Variants in PRKAG2 observed in about 807,000 individuals in gnomAD.
The protein encoded by PRKAG2 is 5'-AMP-activated protein kinase subunit gamma-2.
A neutral mutation model predicts 69.6 loss-of-function variants in PRKAG2; 26 were observed. That is an observed-to-expected ratio of 0.37 (90% CI 0.27 to 0.52). PRKAG2 has a LOEUF of 0.52. Ranked by LOEUF, PRKAG2 falls within the 20% of genes least tolerant of loss-of-function variation. The pLI is 0.90. For missense variants in PRKAG2, 557 were observed against 740.0 expected (o/e 0.75, Z 2.87); for synonymous variants, 293 against 285.0 (o/e 1.03, Z -0.28).
intron 1 of PRKAG2, among the ~76,000 whole-genome samples, chr7:151,800,986 C>T (rs1156757902): frequency 6.6e-6 from 1 of 152,180 alleles, no homozygotes; most frequent in Non-Finnish European, 1.5e-5. Context: ...GCTTCAGGTT[C>T]TGTAAACCTA....
chr7:151,743,274 C>T (rs1489155249), intron 3 of PRKAG2, among the ~76,000 whole-genome samples: 2 of 152,198 alleles, frequency 1.3e-5, no homozygotes, highest in African/African-American at 2.4e-5. Flanking sequence ...ACTCACACCC[C>T]TGGCTGGTGC....
At chr7:151,640,339 A>G (rs1422324838) in intron 4 of PRKAG2, among the ~76,000 whole-genome samples, 1 of 152,122 alleles carries the variant, frequency 6.6e-6, no homozygotes, top group African/African-American at 2.4e-5. Flanking sequence ...CAGACTTATT[A>G]TTCACTAACT....
chr7:151,669,530 T>C (rs1831514548), intron 4 of PRKAG2, among the ~76,000 whole-genome samples: 1 of 152,238 alleles, frequency 6.6e-6, no homozygotes, highest in African/African-American at 2.4e-5. Flanking sequence ...GTCCCTTAGA[T>C]GTCCACGTGT....
At chr7:151,585,129 A>G (rs181203836) in intron 6 of PRKAG2, among the ~76,000 whole-genome samples, 103 of 152,266 alleles carry the variant, frequency 6.8e-4, no homozygotes, top group Non-Finnish European at 1.3e-3. Flanking sequence ...AAAAGCATCA[A>G]ATTTCTCTCG....
At chr7:151,657,209 A>G (rs1254693039) in intron 4 of PRKAG2, among the ~76,000 whole-genome samples, 1 of 152,224 alleles carries the variant, frequency 6.6e-6, no homozygotes, top group African/African-American at 2.4e-5. Flanking sequence ...GAATATTCTC[A>G]AAGTCAAATT....
chr7:151,855,510 ACCGCCCT>A (rs2079743079), intron 1 of PRKAG2, among the ~76,000 whole-genome samples: 1 of 33,142 alleles, frequency 3.0e-5, no homozygotes, highest in African/African-American at 1.2e-4. Flanking sequence ...CTCCACACAC[ACCGCCCT>A]CCACACACCG....
intron 6 of PRKAG2, among the ~76,000 whole-genome samples, chr7:151,588,365 ATTTTT>A (rs562565665): frequency 3.4e-4 from 50 of 145,012 alleles, no homozygotes; most frequent in African/African-American, 9.1e-4. Flanking sequence ...ACAAGATCTG[ATTTTT>A]TTTTTTTTTA....
intron 3 of PRKAG2, among the ~76,000 whole-genome samples, chr7:151,778,454 G>T (rs960995380): frequency 2.0e-5 from 3 of 152,116 alleles, no homozygotes; most frequent in African/African-American, 7.2e-5. Flanking sequence ...CTTTATAAAT[G>T]ACCCAGCCTC....
intron 1 of PRKAG2, among the ~76,000 whole-genome samples, chr7:151,832,260 G>A (rs1042572335): frequency 8.0e-6 from 1 of 124,752 alleles, no homozygotes; most frequent in African/African-American, 3.8e-5. Context: ...AGGGAGGAGG[G>A]AAGGAAGGGA....
rs1341957255 is a variant in PRKAG2, at chr7:151,756,885, T to G, written c.466+24267A>C. 6.6e-6 allele frequency among the ~76,000 whole-genome samples: 1 copy of G among 152,162 alleles called. No homozygotes were observed. The highest frequency in any genetic ancestry group is 6.5e-5 in the Admixed American group (1 of 15,282). On this transcript the variant is annotated intron_variant, in intron 3 of 15. Coordinates refer to ENST00000287878, the MANE Select transcript of PRKAG2 (RefSeq NM_016203.4). This position sits in a 1 kb window ranked among gnomAD's most constrained non-coding sequence, Gnocchi z 4.9. ...GTACGGAGAGTAACCCTCTTCCAGG[T>G]AGGACCCGGGCTGACAGCTGAGCTA...
chr7:151,769,713 T>C (rs1220636254), intron 3 of PRKAG2, among the ~76,000 whole-genome samples: 1 of 152,118 alleles, frequency 6.6e-6, no homozygotes, highest in Non-Finnish European at 1.5e-5. Context: ...CTGTGGGCCA[T>C]GAAGGCACGG....
At chr7:151,578,955 T>C (rs1809688501) in intron 6 of PRKAG2, among the ~76,000 whole-genome samples, 1 of 152,228 alleles carries the variant, frequency 6.6e-6, no homozygotes, top group Non-Finnish European at 1.5e-5. Context: ...AGTTTGCTTT[T>C]CTAAACTGGT....
intron 4 of PRKAG2, among the ~76,000 whole-genome samples, chr7:151,661,726 G>A (rs1359831739): frequency 1.3e-5 from 2 of 152,150 alleles, no homozygotes; most frequent in Non-Finnish European, 2.9e-5. Context: ...ACTCAAGCAC[G>A]GTGAGAGAGG....
intron 1 of PRKAG2, among the ~76,000 whole-genome samples, chr7:151,865,440 T>C (rs1171864034): frequency 6.6e-6 from 1 of 152,208 alleles, no homozygotes; most frequent in Non-Finnish European, 1.5e-5. Flanking sequence ...ATGTTTTTGG[T>C]GTTTTGGTAG....
chr7:151,615,063 C>G (rs1460293197), intron 5 of PRKAG2, among the ~76,000 whole-genome samples: 2 of 151,996 alleles, frequency 1.3e-5, no homozygotes, highest in Non-Finnish European at 2.9e-5. Context: ...AGACAGAAGC[C>G]GTGTGGATCC....
Position 151,568,764 on chromosome 7 carries a change from T to C in PRKAG2, c.1185A>G (p.Ala395=). ...TTCTTTTGTGGGTAAGTATATAAAG[T>C]GCATTCCCACTGATAGGGTCAATAA... The part of the protein sequence containing the change: ...LPVIDPISGN[A]LYILTHKRIL... Residue 395 remains alanine (A), a synonymous_variant, in exon 11 of 16, where the codon GCA becomes GCG. Transcript: ENST00000287878. 1 of 1,614,014 alleles carries C rather than the reference T, an allele frequency of 6.2e-7. No individual in the cohort carries two copies. The highest frequency in any genetic ancestry group is 8.5e-7 in the Non-Finnish European group (1 of 1,179,912).
At chr7:151,864,525 G>C (rs2080013876) in intron 1 of PRKAG2, among the ~76,000 whole-genome samples, 1 of 152,228 alleles carries the variant, frequency 6.6e-6, no homozygotes, top group Non-Finnish European at 1.5e-5. Context: ...CCCCAGACCA[G>C]GTTGGTATCG....
intron 15 of PRKAG2, chr7:151,558,887 T>G (rs573852203): frequency 1.0e-6 from 1 of 985,268 alleles, no homozygotes; most frequent in South Asian, 4.7e-5. Flanking sequence ...TTCTTATGGT[T>G]TGAGATATCA....
Position 151,734,894 on chromosome 7 carries a change from G to A in PRKAG2, c.466+46258C>T, listed in dbSNP as rs183422398. 7.1e-3 allele frequency among the ~76,000 whole-genome samples: 851 copies of A among 120,476 alleles called. 10 individuals are homozygous for A. The highest frequency in any genetic ancestry group is 0.027 in the African/African-American group (813 of 30,088). 79.0% of individuals were successfully genotyped at this position (120,476 alleles called of 152,430 possible). A position where few individuals can be genotyped will look rare whatever the true frequency, so the allele number is the denominator to read the frequency against. On this transcript the variant is annotated intron_variant, in intron 3 of 15. Transcript: ENST00000287878. ...TTTTGAGGCAGAGTCTTGCTCTGTC[G>A]CCCAGGCTGAAGTGCAGTGGTGTGA...
Sources: gnomAD v4.1 joint callset for allele counts (sites outside exome capture counted in the v4.1 genomes callset) on GRCh38, gnomAD v4.1.1 for gene constraint, Gnocchi (gnomAD v3.1) non-coding constraint, MANE v1.5 for transcripts, NCBI Gene and HGNC (gene_info 2026-07-23, HGNC 2026-07-21) for gene names.